ZCCHC8: variants seen among roughly 807,000 people sequenced by gnomAD.
ZCCHC8 encodes zinc finger CCHC-type containing 8, also known as zinc finger CCHC domain-containing protein 8.
In ZCCHC8, 27 loss-of-function variants were observed where a neutral mutation model predicts 70.6. That is an observed-to-expected ratio of 0.38 (90% CI 0.28 to 0.53). The LOEUF is 0.53. ZCCHC8 is among the 20% of genes least tolerant of loss of function. The pLI is 0.81. For synonymous variants in ZCCHC8, 293 were observed against 317.4 expected, an observed-to-expected ratio of 0.92 and a Z score of 0.82; for missense variants, 737 against 876.9, an observed-to-expected ratio of 0.84 and a Z score of 2.01.
At chr12:122,498,604 T>A (rs75644146) in intron 2 of ZCCHC8, among the ~76,000 whole-genome samples, 1 of 152,198 alleles carries the variant, frequency 6.6e-6, no homozygotes, top group Non-Finnish European at 1.5e-5. Flanking sequence ...TTTTGTTTCA[T>A]CCTTTCATCC....
intron 1 of ZCCHC8, chr12:122,499,486 T>G (rs1326572959): frequency 6.5e-6 from 1 of 153,352 alleles, no homozygotes; most frequent in Non-Finnish European, 1.4e-5. Context: ...CAGGCTGACC[T>G]CCTGATCCTC....
At chr12:122,498,283 C>A (rs1284190954) in intron 2 of ZCCHC8, among the ~76,000 whole-genome samples, 1 of 151,728 alleles carries the variant, frequency 6.6e-6, no homozygotes, top group African/African-American at 2.4e-5. Flanking sequence ...TACAGGCGCC[C>A]ACCACGTCCA....
At chr12:122,484,859 T>C (rs1165982016) in intron 5 of ZCCHC8, among the ~76,000 whole-genome samples, 2 of 152,158 alleles carry the variant, frequency 1.3e-5, no homozygotes, top group Non-Finnish European at 2.9e-5. Context: ...GCTGTGACAA[T>C]TGACACAATT....
At chr12:122,478,042 A>G in intron 12 of ZCCHC8, 84 bp from the exon 13 acceptor site, 1 of 1,274,194 alleles carries the variant, frequency 7.8e-7, no homozygotes. Flanking sequence ...ATGATGTAGA[A>G]AAACAATCTG....
At chr12:122,478,126 A>C in intron 12 of ZCCHC8, 80 bp downstream of exon 12, 1 of 1,333,036 alleles carries the variant, frequency 7.5e-7, no homozygotes, top group Non-Finnish European at 1.1e-6. Context: ...AAGCAAGAAA[A>C]GGCTGTAAGA....
chr12:122,492,554 A>G (rs1957765822), intron 3 of ZCCHC8, among the ~76,000 whole-genome samples, 161 bp downstream of exon 3: 1 of 152,156 alleles, frequency 6.6e-6, no homozygotes, highest in African/African-American at 2.4e-5. Context: ...CTGTGACCCC[A>G]ATGTCCTTGC....
chr12:122,496,488 C>T (rs976184018), intron 2 of ZCCHC8, among the ~76,000 whole-genome samples: 1 of 152,054 alleles, frequency 6.6e-6, no homozygotes, highest in African/African-American at 2.4e-5. Context: ...AAATGAATGA[C>T]TCCATTAGAA....
chr12:122,482,976 A>G (rs1957566223), intron 7 of ZCCHC8: 2 of 522,122 alleles, frequency 3.8e-6, no homozygotes, highest in African/African-American at 3.8e-5. Context: ...AGGTGAACAC[A>G]TTGATCATAT....
In ZCCHC8 at chr12:122,490,704, T is replaced by C; in HGVS notation, c.318-137A>G. On this transcript the variant is annotated intron_variant, in intron 3 of 13. Transcript: ENST00000633063. ...GTTTAATAAATCACTGACTCTGTAA[T>C]ACTCAGGAACATATTCCTTAAGATA... 5.7e-6 allele frequency: 3 copies of C among 530,712 alleles called. No individual in the cohort carries two copies. The South Asian group carries it at 9.4e-5, about 17-fold the overall frequency. 32.9% of individuals were successfully genotyped at this position (530,712 alleles called of 1,614,324 possible). A position where few individuals can be genotyped will look rare whatever the true frequency, so the allele number is the denominator to read the frequency against.
At chr12:122,476,849 T>A (rs1957428257) in intron 13 of ZCCHC8, among the ~76,000 whole-genome samples, 1 of 150,474 alleles carries the variant, frequency 6.6e-6, no homozygotes, top group Non-Finnish European at 1.5e-5. Flanking sequence ...ACGGAGAAAC[T>A]CCATCTCTAC....
chr12:122,478,478 A>G, intron 11 of ZCCHC8, 186 bp from the exon 12 acceptor site: 1 of 561,132 alleles, frequency 1.8e-6, no homozygotes, highest in South Asian at 2.1e-5. Flanking sequence ...CTGCAAAATA[A>G]TTAAGACTGA....
intron 12 of ZCCHC8, 93 bp from the exon 13 acceptor site, chr12:122,478,051 T>A (rs1957454498): frequency 3.3e-6 from 4 of 1,228,596 alleles, no homozygotes; most frequent in Non-Finnish European, 3.6e-6. Flanking sequence ...AAAAACAATC[T>A]GGAGTTAAGT....
chr12:122,494,696 A>T (rs1342927479), intron 2 of ZCCHC8, among the ~76,000 whole-genome samples: 11 of 152,248 alleles, frequency 7.2e-5, no homozygotes, highest in Admixed American at 7.2e-4. Flanking sequence ...TCTACCAAAA[A>T]TACAAAAAAT....
chr12:122,477,826 T>C lies in ZCCHC8; in HGVS notation c.1345+15A>G, dbSNP rs1957449470. On this transcript the variant is annotated intron_variant, in intron 13 of 13. Transcript: ENST00000633063. ...AAAAAAAAGAGAGAAATCAGAGCCA[T>C]AGGATGAAACCTACCTGAATCGAGC... 1.5e-6 allele frequency: 2 copies of C among 1,370,994 alleles called. No homozygotes were observed. Among genetic ancestry groups the C allele is most frequent in the Non-Finnish European group, 2.1e-6 (2 of 964,078 alleles). The allele number at this position is 1,370,994 out of a possible 1,614,324, so 84.9% of individuals were successfully genotyped here.
intron 2 of ZCCHC8, among the ~76,000 whole-genome samples, chr12:122,497,959 C>A (rs1026249505): frequency 1.3e-5 from 2 of 151,216 alleles, no homozygotes; most frequent in Non-Finnish European, 2.9e-5. Context: ...ACACTGTACA[C>A]CAGCCTGAGT....
rs1296773602 is a variant in ZCCHC8 at position 122,500,872 on chromosome 12, G to A, written c.-32C>T. ...CTGTGGAAAAGATTCGAGAAGAGGC[G>A]GAGCCGGCCACCAGGGCTTGGGGAA... On this transcript the variant is annotated 5_prime_UTR_variant, in exon 1 of 14. Coordinates refer to ENST00000633063, the MANE Select transcript of ZCCHC8 (RefSeq NM_017612.5). This position sits in a 1 kb window ranked among gnomAD's most constrained non-coding sequence, Gnocchi z 4.8. The A allele has an allele frequency of 6.5e-7, 1 of 1,549,948 alleles. No homozygotes were observed. The highest frequency in any genetic ancestry group is 2.4e-5 in the East Asian group (1 of 41,108).
intron 5 of ZCCHC8, among the ~76,000 whole-genome samples, chr12:122,488,870 CAAAAAAA>C (rs532083781): frequency 5.4e-5 from 5 of 92,896 alleles, no homozygotes; most frequent in South Asian, 3.2e-4. Context: ...GACTCCGTTT[CAAAAAAA>C]AAAAAAAAAA....
Position 122,473,803 on chromosome 12 carries a change from A to G in ZCCHC8, c.1818T>C (p.Leu606=), listed in dbSNP as rs377278665. The G allele has an allele frequency of 1.2e-6, 2 of 1,613,102 alleles. No homozygotes were observed. The highest frequency in any genetic ancestry group is 1.3e-5 in the African/African-American group (1 of 74,806). The change falls in exon 14 of 14, where the codon CTT becomes CTC. Residue 606 remains leucine (L), a synonymous_variant. Coordinates refer to ENST00000633063, the MANE Select transcript of ZCCHC8 (RefSeq NM_017612.5). Reference sequence around the variant, plus strand: ...CCAACTCTGCTTTTTCCTTCTGACAAAGTGATGTCACCTCAGAGTCTGGAC... The same window carrying G: ...CCAACTCTGCTTTTTCCTTCTGACAGAGTGATGTCACCTCAGAGTCTGGAC... ...ASSPDSEVTS[L]CQKEKAELAP...
chr12:122,498,811 T>G lies in ZCCHC8; in HGVS notation c.242+16A>C. ...TAATAAGGGACAACTATGGAGTAAT[T>G]TCAAAAATCTCATACCTCGGTCGAG... On this transcript the variant is annotated intron_variant, in intron 2 of 13. Coordinates refer to ENST00000633063, the MANE Select transcript of ZCCHC8 (RefSeq NM_017612.5). 2 of 1,611,992 alleles carry G rather than the reference T, an allele frequency of 1.2e-6. No homozygotes were observed. Among genetic ancestry groups the G allele is most frequent in the Non-Finnish European group, 1.7e-6 (2 of 1,178,472 alleles).
Sources: allele counts gnomAD v4.1 joint callset (sites outside exome capture counted in the v4.1 genomes callset), GRCh38; gene constraint gnomAD v4.1.1; non-coding constraint Gnocchi (gnomAD v3.1); transcripts MANE v1.5; gene names NCBI Gene and HGNC (gene_info 2026-07-23, HGNC 2026-07-21).